LRRIQ1: variants seen among roughly 807,000 people sequenced by gnomAD.
The protein encoded by LRRIQ1 is leucine-rich repeat- and IQ domain-containing protein 1.
A neutral mutation model predicts 211.9 loss-of-function variants in LRRIQ1; 210 were observed. That is an observed-to-expected ratio of 0.99 (90% CI 0.89 to 1.11). LRRIQ1 has a LOEUF of 1.11. Ranked by LOEUF, LRRIQ1 falls within the 50% of genes most tolerant of loss-of-function variation. The probability of loss-of-function intolerance (pLI) is 0.00; values close to 1 mark genes in which losing one functional copy is unlikely to be tolerated. For missense variants in LRRIQ1, 2,136 were observed against 1,939.5 expected, an observed-to-expected ratio of 1.10 and a Z score of -1.90; for synonymous variants, 699 against 650.1, an observed-to-expected ratio of 1.08 and a Z score of -1.14.
intron 24 of LRRIQ1, among the ~76,000 whole-genome samples, chr12:85,226,489 G>A (rs1240642831): frequency 6.6e-6 from 1 of 150,392 alleles, no homozygotes; most frequent in Non-Finnish European, 1.5e-5. Context: ...CTTTGTTTGA[G>A]TGTGTCTTAT....
At chr12:85,170,274 A>C (rs1891353198) in intron 24 of LRRIQ1, among the ~76,000 whole-genome samples, 1 of 151,336 alleles carries the variant, frequency 6.6e-6, no homozygotes, top group African/African-American at 2.4e-5. Flanking sequence ...GTATATATAT[A>C]TATATATATG....
At chr12:85,101,434 G>A (rs947374377) in intron 13 of LRRIQ1, among the ~76,000 whole-genome samples, 1 of 151,724 alleles carries the variant, frequency 6.6e-6, no homozygotes, top group African/African-American at 2.4e-5. Context: ...GCACAAAGTG[G>A]AAACTATTAC....
chr12:85,239,386 C>CACAT (rs1555229168), intron 26 of LRRIQ1, among the ~76,000 whole-genome samples: 1 of 150,570 alleles, frequency 6.6e-6, no homozygotes, highest in African/African-American at 2.4e-5. Flanking sequence ...CACACACACA[C>CACAT]GTGTATATAT....
chr12:85,069,186 C>A (rs538615749), intron 10 of LRRIQ1, among the ~76,000 whole-genome samples: 2 of 148,490 alleles, frequency 1.3e-5, no homozygotes, highest in South Asian at 4.3e-4. Flanking sequence ...TGAGAACATG[C>A]GGTGTTTGGT....
intron 15 of LRRIQ1, among the ~76,000 whole-genome samples, chr12:85,107,901 C>A (rs1294652188): frequency 6.6e-6 from 1 of 152,004 alleles, no homozygotes; most frequent in East Asian, 1.9e-4. Flanking sequence ...TTTGTAATTT[C>A]TCTTCTAATC....
chr12:85,172,266 C>G (rs1023284527), intron 24 of LRRIQ1, among the ~76,000 whole-genome samples: 2 of 152,188 alleles, frequency 1.3e-5, no homozygotes, highest in Non-Finnish European at 2.9e-5. Flanking sequence ...CTACCTGTCT[C>G]ATAGGACACT....
At chr12:85,179,450 G>A (rs1473401091) in intron 24 of LRRIQ1, among the ~76,000 whole-genome samples, 1 of 151,838 alleles carries the variant, frequency 6.6e-6, no homozygotes. Flanking sequence ...TATTGCAAAG[G>A]ATACTATTAC....
chr12:85,132,808 A>AT, intron 18 of LRRIQ1, among the ~76,000 whole-genome samples: 1 of 151,766 alleles, frequency 6.6e-6, no homozygotes, highest in East Asian at 1.9e-4. Flanking sequence ...AATAAAAATA[A>AT]TTTTTTAAAA....
At chr12:85,197,142 C>G (rs1277499512) in intron 24 of LRRIQ1, among the ~76,000 whole-genome samples, 2 of 152,150 alleles carry the variant, frequency 1.3e-5, no homozygotes, top group Non-Finnish European at 2.9e-5. Context: ...CATCTCACAC[C>G]AGTTTGAATG....
chr12:85,250,862 A>G (rs1363167034), intron 1 of LRRIQ1, among the ~76,000 whole-genome samples: 1 of 106,480 alleles, frequency 9.4e-6, no homozygotes, highest in Non-Finnish European at 1.8e-5. Context: ...AATATATATT[A>G]TAGATTATAT....
intron 6 of LRRIQ1, chr12:85,048,212 C>A (rs1879868760): frequency 6.6e-6 from 1 of 152,252 alleles, no homozygotes. Context: ...GCTTGTTCAA[C>A]ATTTTTTAAT....
chr12:85,078,983 C>G (rs959321029), intron 11 of LRRIQ1, among the ~76,000 whole-genome samples: 37 of 152,174 alleles, frequency 2.4e-4, no homozygotes, highest in African/African-American at 8.7e-4. Context: ...TTGTAAATCT[C>G]TTTAATGTCT....
intron 13 of LRRIQ1, among the ~76,000 whole-genome samples, chr12:85,099,360 GTACT>G (rs1333393434): frequency 6.6e-6 from 1 of 151,746 alleles, no homozygotes; most frequent in African/African-American, 2.4e-5. Context: ...CTCTCAAATG[GTACT>G]TATTAAGTCC....
chr12:85,250,437 C>T (rs1183367438), intron 1 of LRRIQ1, among the ~76,000 whole-genome samples: 2 of 151,550 alleles, frequency 1.3e-5, no homozygotes, highest in Non-Finnish European at 2.9e-5. Flanking sequence ...CCTGTAATTT[C>T]TTCATTCAAA....
At chr12:85,205,001 G>T (rs1412585804) in intron 24 of LRRIQ1, among the ~76,000 whole-genome samples, 1 of 152,100 alleles carries the variant, frequency 6.6e-6, no homozygotes, top group Non-Finnish European at 1.5e-5. Flanking sequence ...AATTCCTAGG[G>T]AGGGCCTAGG....
At chr12:85,127,090 T>C (rs1027926184) in intron 17 of LRRIQ1, among the ~76,000 whole-genome samples, 5 of 152,254 alleles carry the variant, frequency 3.3e-5, no homozygotes, top group Non-Finnish European at 7.3e-5. Context: ...AATATTCCTC[T>C]AATAATCTAT....
intron 11 of LRRIQ1, among the ~76,000 whole-genome samples, chr12:85,088,603 G>A (rs914957238): frequency 6.6e-6 from 1 of 152,108 alleles, no homozygotes; most frequent in Non-Finnish European, 1.5e-5. Context: ...CCATTTGTTT[G>A]TGTCCTCTTT....
intron 11 of LRRIQ1, among the ~76,000 whole-genome samples, chr12:85,093,771 A>G (rs1885624241): frequency 1.3e-5 from 2 of 152,228 alleles, no homozygotes. Context: ...CAACAAGTGA[A>G]CACAGAGATT....
intron 13 of LRRIQ1, among the ~76,000 whole-genome samples, chr12:85,102,970 A>ATATATATATG (rs1555207774): frequency 4.3e-4 from 61 of 140,960 alleles, no homozygotes; most frequent in African/African-American, 1.5e-3. Flanking sequence ...ATATATATAT[A>ATATATATATG]TATATATATA....
Sources: gnomAD v4.1 joint callset for allele counts (sites outside exome capture counted in the v4.1 genomes callset) on GRCh38, gnomAD v4.1.1 for gene constraint, MANE v1.5 for transcripts, NCBI Gene and HGNC (gene_info 2026-07-23, HGNC 2026-07-21) for gene names.